Variants in PDILT observed in about 807,000 individuals in gnomAD.
PDILT encodes the protein protein disulfide isomerase like, testis expressed, also known as protein disulfide-isomerase-like protein of the testis.
PDILT carries 43 observed loss-of-function variants against 53.7 expected under a neutral mutation model. The observed-to-expected ratio is 0.80, with a 90% CI of 0.63 to 1.03. The LOEUF (loss-of-function observed/expected upper bound fraction) is 1.03. Among genes scored for constraint, PDILT ranks in the 50% least tolerant of loss-of-function variants. The pLI is 0.00. For synonymous variants in PDILT, 282 were observed against 274.2 expected (o/e 1.03, Z -0.28); for missense variants, 727 against 712.3 (o/e 1.02, Z -0.24).
At chr16:20,378,536 G>T (rs973204069) in intron 3 of PDILT, among the ~76,000 whole-genome samples, 3 of 152,010 alleles carry the variant, frequency 2.0e-5, no homozygotes, top group African/African-American at 7.2e-5. Flanking sequence ...GTGCTTTGCT[G>T]TACCTATCAA....
intron 4 of PDILT, 64 bp downstream of exon 4, chr16:20,376,004 C>A (rs999678242): frequency 1.9e-6 from 3 of 1,586,242 alleles, no homozygotes; most frequent in African/African-American, 2.7e-5. Context: ...CCTCACACCA[C>A]CCCCTCCCAG....
chr16:20,388,074 C>T lies in PDILT; in HGVS notation c.203-3223G>A, dbSNP rs945486629. Among the ~76,000 whole-genome samples the T allele has an allele frequency of 4.0e-5, 6 of 151,868 alleles. 1 individual carries two copies. The South Asian group carries it at 1.2e-3, about 32-fold the overall frequency. ...TGGGAGGAGGAGTTTGGATATGGAA[C>T]ATGGTGAAAGAGAAGAGTCAAGGGT... On this transcript the variant is annotated intron_variant, in intron 2 of 11. Transcript: ENST00000302451.
chr16:20,380,585 C>G (rs969893012), intron 3 of PDILT, among the ~76,000 whole-genome samples: 1 of 152,240 alleles, frequency 6.6e-6, no homozygotes, highest in Admixed American at 6.5e-5. Flanking sequence ...ATCCACTCGC[C>G]TTGGCCTCCC....
chr16:20,363,706 T>G (rs1026361450), intron 9 of PDILT, among the ~76,000 whole-genome samples: 1 of 152,312 alleles, frequency 6.6e-6, no homozygotes, highest in Non-Finnish European at 1.5e-5. Flanking sequence ...TTATGTCATG[T>G]CATTTATAGG....
intron 3 of PDILT, among the ~76,000 whole-genome samples, chr16:20,378,328 C>T (rs1383322111): frequency 6.6e-6 from 1 of 152,138 alleles, no homozygotes; most frequent in Non-Finnish European, 1.5e-5. Context: ...CCCTGTTGTG[C>T]CCACTCCCAG....
intron 3 of PDILT, among the ~76,000 whole-genome samples, chr16:20,376,531 G>A (rs1253712106): frequency 6.6e-6 from 1 of 152,178 alleles, no homozygotes; most frequent in African/African-American, 2.4e-5. Flanking sequence ...CTGCCAACAG[G>A]CACCCAACTA....
chr16:20,374,839 C>T lies in PDILT; in HGVS notation c.664G>A (p.Val222Ile), dbSNP rs765339152. Residue 222 changes from valine to isoleucine, a missense_variant, in exon 5 of 12, where the codon GTC becomes ATC. Physicochemically the swap from Val to Ile is conservative, Grantham distance 29 (BLOSUM62 3). Coordinates refer to ENST00000302451, the MANE Select transcript of PDILT (RefSeq NM_174924.2). ...IGRFHVTLDSVLVFKKGKIVN... is the reference protein window; with the variant it reads ...IGRFHVTLDSILVFKKGKIVN... ...AATCCTACCTTTTTGAACACCAGGA[C>T]GCTGTCAAGGGTGACGTGGAAACGC... The T allele has an allele frequency of 7.4e-6, 12 of 1,613,424 alleles. No individual in the cohort carries two copies. The highest frequency in any genetic ancestry group is 6.7e-5 in the Admixed American group (4 of 59,890).
At chr16:20,385,925 A>C (rs1033756860) in intron 2 of PDILT, 5 of 152,192 alleles carry the variant, frequency 3.3e-5, no homozygotes, top group African/African-American at 4.8e-5. Context: ...AGAGCTCATG[A>C]GCGCCATCTG....
chr16:20,398,996 G>C, intron 2 of PDILT, 103 bp downstream of exon 2: 1 of 1,169,800 alleles, frequency 8.5e-7, no homozygotes, highest in South Asian at 1.4e-5. Context: ...AATAATATGT[G>C]TTCTTATGTG....
At position 20,373,056 on chromosome 16, in the gene PDILT, T is replaced by C; in HGVS notation, c.748A>G (p.Ile250Val). 6.2e-7 allele frequency: 1 copy of C among 1,614,196 alleles called. No homozygotes were observed. The highest frequency in any genetic ancestry group is 8.5e-7 in the Non-Finnish European group (1 of 1,180,006). ...STNKQELNRV[I>V]KQHLTDFVIE... Reference sequence around the variant, plus strand: ...ACAAAATCTGTAAGGTGCTGTTTTATGACACGATTGAGTTCCTGTTTGTTG... The same window carrying C: ...ACAAAATCTGTAAGGTGCTGTTTTACGACACGATTGAGTTCCTGTTTGTTG... The change falls in exon 6 of 12, where the codon ATA becomes GTA. Residue 250 changes from isoleucine to valine, a missense_variant. Transcript: ENST00000302451.
intron 3 of PDILT, 106 bp from the exon 4 acceptor site, chr16:20,376,307 C>T (rs1966388843): frequency 2.9e-6 from 4 of 1,391,722 alleles, no homozygotes; most frequent in Non-Finnish European, 3.9e-6. Flanking sequence ...TTGTCTCAGG[C>T]TCCCACCCCT....
intron 8 of PDILT, among the ~76,000 whole-genome samples, chr16:20,366,166 A>G (rs1265848075): frequency 1.3e-5 from 2 of 151,906 alleles, no homozygotes; most frequent in East Asian, 1.9e-4. Flanking sequence ...TGCATGACCT[A>G]TAAAACCTTG....
chr16:20,370,916 G>A (rs778521889), intron 7 of PDILT, among the ~76,000 whole-genome samples: 1 of 152,228 alleles, frequency 6.6e-6, no homozygotes, highest in Admixed American at 6.5e-5. Context: ...CTAAAAAGGG[G>A]AAGCATGAAT....
intron 2 of PDILT, among the ~76,000 whole-genome samples, chr16:20,395,525 G>A (rs1480552729): frequency 2.0e-5 from 3 of 152,178 alleles, no homozygotes; most frequent in Admixed American, 6.5e-5. Context: ...TGACACTGTG[G>A]AGTTGCTATG....
At chr16:20,361,079 TTTG>T (rs1264638235) in intron 10 of PDILT, among the ~76,000 whole-genome samples, 3 of 152,130 alleles carry the variant, frequency 2.0e-5, no homozygotes, top group African/African-American at 7.2e-5. Context: ...ACGATAGGCG[TTTG>T]TTATTATTAT....
chr16:20,369,639 G>C lies in PDILT; in HGVS notation c.969C>G (p.Phe323Leu), dbSNP rs141486859. ...CGACCTCTGTGACCCGGAAGTACTT[G>C]AAGACACGTCCATTTCTGGGTTCGT... ...DADEPRNGRVFKYFRVTEVDI... is the reference protein window; with the variant it reads ...DADEPRNGRVLKYFRVTEVDI... The change falls in exon 8 of 12, where the codon TTC becomes TTG. Residue 323 changes from phenylalanine (F) to leucine (L), a missense_variant. Transcript: ENST00000302451. The C allele has an allele frequency of 2.8e-5, 45 of 1,614,206 alleles. No homozygotes were observed. The African/African-American group carries it at 5.5e-4, about 20-fold the overall frequency.
chr16:20,392,400 G>A (rs1252182255), intron 2 of PDILT, among the ~76,000 whole-genome samples: 1 of 152,182 alleles, frequency 6.6e-6, no homozygotes, highest in Non-Finnish European at 1.5e-5. Context: ...CCAACCACTG[G>A]CTCTTGGCCT....
intron 2 of PDILT, among the ~76,000 whole-genome samples, chr16:20,392,012 G>A (rs2141617493): frequency 6.6e-6 from 1 of 151,990 alleles, no homozygotes; most frequent in East Asian, 2.0e-4. Flanking sequence ...AAGTCTCTCT[G>A]GATGCATTGC....
At chr16:20,381,981 C>T (rs1313512114) in intron 3 of PDILT, among the ~76,000 whole-genome samples, 1 of 152,180 alleles carries the variant, frequency 6.6e-6, no homozygotes, top group Non-Finnish European at 1.5e-5. Context: ...TCACTGCAGT[C>T]ACAAATTCCT....
Sources: gnomAD v4.1 joint callset for allele counts (sites outside exome capture counted in the v4.1 genomes callset) on GRCh38, gnomAD v4.1.1 for gene constraint, MANE v1.5 for transcripts, NCBI Gene and HGNC (gene_info 2026-07-23, HGNC 2026-07-21) for gene names.